Variants in TCF4 observed in about 807,000 individuals in gnomAD.
TCF4 encodes SL3-3 enhancer factor 2.
Under a neutral mutation model 82.1 loss-of-function variants are expected in TCF4, and 3 were observed. The ratio of observed to expected loss-of-function variants is 0.04; its 90% CI spans 0.02 to 0.09. The LOEUF is 0.09. Ranked by LOEUF, TCF4 falls within the 10% of genes least tolerant of loss-of-function variation. The pLI is 1.00. For missense variants in TCF4, 518 were observed against 852.7 expected (o/e 0.61, Z 4.89); for synonymous variants, 276 against 309.6 (o/e 0.89, Z 1.14).
At chr18:55,484,590 G>A (rs2096488908) in intron 3 of TCF4, among the ~76,000 whole-genome samples, 1 of 152,184 alleles carries the variant, frequency 6.6e-6, no homozygotes, top group Non-Finnish European at 1.5e-5. Context: ...TGGCAGTGGG[G>A]CCCATAAGTA....
At chr18:55,552,047 C>A (rs1017375855) in intron 3 of TCF4, among the ~76,000 whole-genome samples, 2 of 152,218 alleles carry the variant, frequency 1.3e-5, no homozygotes, top group African/African-American at 4.8e-5. Flanking sequence ...CTTGAACACA[C>A]TTTCTTTCAA....
chr18:55,420,466 C>T (rs1308467155), intron 5 of TCF4, among the ~76,000 whole-genome samples: 5 of 152,144 alleles, frequency 3.3e-5, no homozygotes, highest in East Asian at 1.9e-4. Context: ...TCCTTGATCA[C>T]GGGACAACGA....
At chr18:55,451,502 C>T (rs1479773039) in intron 5 of TCF4, among the ~76,000 whole-genome samples, 2 of 152,238 alleles carry the variant, frequency 1.3e-5, no homozygotes, top group Non-Finnish European at 1.5e-5. Flanking sequence ...TGTCCCATGA[C>T]ACCCTGTAAG....
intron 3 of TCF4, among the ~76,000 whole-genome samples, chr18:55,574,203 A>C (rs960991983): frequency 6.6e-6 from 1 of 152,244 alleles, no homozygotes; most frequent in Non-Finnish European, 1.5e-5. Flanking sequence ...ATATTCACAT[A>C]GAACATGTAC....
intron 3 of TCF4, 149 bp from the exon 4 acceptor site, chr18:55,464,286 C>T: frequency 1.4e-6 from 1 of 726,282 alleles, no homozygotes; most frequent in South Asian, 1.5e-5. Flanking sequence ...TGGCTTCTGA[C>T]CCATCTACTT....
intron 3 of TCF4, among the ~76,000 whole-genome samples, chr18:55,575,450 G>A (rs1325606320): frequency 6.6e-6 from 1 of 152,176 alleles, no homozygotes. Context: ...GTTTCAGGTT[G>A]TAGGGTTGCA....
chr18:55,371,128 G>C (rs1052835084), intron 6 of TCF4, among the ~76,000 whole-genome samples: 1 of 152,146 alleles, frequency 6.6e-6, no homozygotes, highest in Non-Finnish European at 1.5e-5. Context: ...GTATTATTGA[G>C]GTCTCTGGAG....
At chr18:55,396,759 A>G (rs2093518896) in intron 6 of TCF4, among the ~76,000 whole-genome samples, 1 of 152,212 alleles carries the variant, frequency 6.6e-6, no homozygotes, top group Non-Finnish European at 1.5e-5. Flanking sequence ...TTTTCTTATC[A>G]ATATACCTTA....
chr18:55,555,496 A>G (rs1012994532), intron 3 of TCF4, among the ~76,000 whole-genome samples: 1 of 152,218 alleles, frequency 6.6e-6, no homozygotes, highest in Non-Finnish European at 1.5e-5. Flanking sequence ...ATAGAAAAAT[A>G]TTTAGGGTGA....
Position 55,274,496 on chromosome 18 carries a change from G to A in TCF4, c.789+1123C>T, listed in dbSNP as rs983774223. Reference sequence around the variant, plus strand: ...AACTTCTGGAATTTTTTTGATTATTGGAGTAGGAGATCAGATCCTGTTTCT... The same window carrying A: ...AACTTCTGGAATTTTTTTGATTATTAGAGTAGGAGATCAGATCCTGTTTCT... On this transcript the variant is annotated intron_variant, in intron 10 of 19. Coordinates refer to ENST00000354452, the MANE Select transcript of TCF4 (RefSeq NM_001083962.2). 3.3e-5 allele frequency among the ~76,000 whole-genome samples: 5 copies of A among 152,068 alleles called. No individual in the cohort carries two copies. The East Asian group carries it at 9.6e-4, about 29-fold the overall frequency.
intron 3 of TCF4, among the ~76,000 whole-genome samples, chr18:55,544,434 C>G (rs967059908): frequency 6.6e-6 from 1 of 152,048 alleles, no homozygotes; most frequent in Non-Finnish European, 1.5e-5. Context: ...AAGTGGACTC[C>G]CCTGCTCTTT....
At chr18:55,268,468 T>A (rs2059659584) in intron 11 of TCF4, 1 of 152,072 alleles carries the variant, frequency 6.6e-6, no homozygotes, top group Non-Finnish European at 1.5e-5. Flanking sequence ...TGTCTGTAGC[T>A]CTCCAAGGTC....
At chr18:55,468,684 G>A (rs948919874) in intron 3 of TCF4, among the ~76,000 whole-genome samples, 14 of 152,148 alleles carry the variant, frequency 9.2e-5, no homozygotes, top group Non-Finnish European at 1.9e-4. Context: ...TACAATGGTG[G>A]GCTCATTAGT....
chr18:55,523,118 T>C (rs2096946671), intron 3 of TCF4, among the ~76,000 whole-genome samples: 2 of 151,960 alleles, frequency 1.3e-5, no homozygotes, highest in Admixed American at 1.3e-4. Flanking sequence ...GCTATTGTAT[T>C]AAAAGGAAAA....
At chr18:55,405,010 A>C (rs2094014052) in intron 5 of TCF4, among the ~76,000 whole-genome samples, 1 of 152,246 alleles carries the variant, frequency 6.6e-6, no homozygotes, top group Non-Finnish European at 1.5e-5. Context: ...ACAAGACACC[A>C]TCGCACAGAC....
At chr18:55,503,797 G>A (rs967567078) in intron 3 of TCF4, among the ~76,000 whole-genome samples, 3 of 152,140 alleles carry the variant, frequency 2.0e-5, no homozygotes, top group Non-Finnish European at 2.9e-5. Context: ...TCTAATGGCC[G>A]GGCACTGTGG....
chr18:55,360,608 G>A (rs984799062), intron 6 of TCF4, among the ~76,000 whole-genome samples: 7 of 152,048 alleles, frequency 4.6e-5, no homozygotes, highest in Middle Eastern at 3.4e-3. Context: ...CCATTGTTAC[G>A]CTAAATCAAC....
chr18:55,394,795 C>T (rs920402674), intron 6 of TCF4, among the ~76,000 whole-genome samples: 1 of 152,158 alleles, frequency 6.6e-6, no homozygotes, highest in South Asian at 2.1e-4. Flanking sequence ...CTTTAGGAAG[C>T]TCAGTTGATC....
chr18:55,435,042 C>A (rs1049351344), intron 5 of TCF4, among the ~76,000 whole-genome samples: 2 of 152,016 alleles, frequency 1.3e-5, no homozygotes, highest in Non-Finnish European at 2.9e-5. Flanking sequence ...ATTCTTCCAA[C>A]TCTTTTTTGG....
Sources: allele counts gnomAD v4.1 joint callset (sites outside exome capture counted in the v4.1 genomes callset), GRCh38; gene constraint gnomAD v4.1.1; transcripts MANE v1.5; gene names NCBI Gene and HGNC (gene_info 2026-07-23, HGNC 2026-07-21).